Variants in NEK5 observed in about 807,000 individuals in gnomAD.
NEK5 encodes the protein NIMA related kinase 5.
In NEK5, 88 loss-of-function variants were observed where a neutral mutation model predicts 109.2. The observed-to-expected ratio is 0.81, with a 90% CI of 0.68 to 0.96. NEK5 has a LOEUF of 0.96. NEK5 is among the 40% of genes least tolerant of loss of function. The pLI, the probability that NEK5 is intolerant of heterozygous loss-of-function variation, is 0.00. For synonymous variants in NEK5, 283 were observed against 299.9 expected (o/e 0.94, Z 0.58); for missense variants, 834 against 920.7 (o/e 0.91, Z 1.22).
intron 22 of NEK5, among the ~76,000 whole-genome samples, chr13:52,051,904 G>A (rs1954509063): frequency 6.6e-6 from 1 of 152,148 alleles, no homozygotes; most frequent in Admixed American, 6.5e-5. Context: ...CTTCACAGGT[G>A]CAGGACAGAA....
chr13:52,104,964 G>GT (rs1426902296), intron 8 of NEK5, among the ~76,000 whole-genome samples: 1 of 152,132 alleles, frequency 6.6e-6, no homozygotes, highest in African/African-American at 2.4e-5. Context: ...CAGAACCAAA[G>GT]TTATATTATG....
At chr13:52,119,128 TAAG>T (rs1488883853) in intron 4 of NEK5, among the ~76,000 whole-genome samples, 188 bp downstream of exon 4, 1 of 151,990 alleles carries the variant, frequency 6.6e-6, no homozygotes, top group Non-Finnish European at 1.5e-5. Flanking sequence ...CAAGAAAACA[TAAG>T]AAAGCCGTCT....
chr13:52,042,271 A>T (rs1954421133), intron 23 of NEK5, among the ~76,000 whole-genome samples: 1 of 151,824 alleles, frequency 6.6e-6, no homozygotes, highest in Non-Finnish European at 1.5e-5. Flanking sequence ...CAAGAAAAAA[A>T]CTGAAATCAG....
intron 1 of NEK5, among the ~76,000 whole-genome samples, chr13:52,128,621 GGA>G (rs1270537295): frequency 2.1e-4 from 32 of 152,176 alleles, no homozygotes; most frequent in Non-Finnish European, 1.5e-5. Flanking sequence ...TCCGCAGCCA[GGA>G]GAGGCTGCAG....
chr13:52,108,474 A>G (rs1398499438), intron 7 of NEK5, 70 bp from the exon 8 acceptor site: 4 of 931,014 alleles, frequency 4.3e-6, no homozygotes, highest in Non-Finnish European at 6.7e-6. Flanking sequence ...TAAGACATGG[A>G]CATGCAAGAA....
intron 17 of NEK5, among the ~76,000 whole-genome samples, chr13:52,077,431 C>A (rs1054111579): frequency 6.6e-6 from 1 of 152,192 alleles, no homozygotes; most frequent in Non-Finnish European, 1.5e-5. Flanking sequence ...ACTGCCCCAG[C>A]CTCCTGTCTT....
chr13:52,049,791 G>A (rs527852693), intron 23 of NEK5, among the ~76,000 whole-genome samples: 3 of 152,246 alleles, frequency 2.0e-5, no homozygotes, highest in Non-Finnish European at 4.4e-5. Flanking sequence ...TGTGTATGAT[G>A]AGGAATGGGC....
At chr13:52,049,177 C>A (rs768721619) in intron 23 of NEK5, among the ~76,000 whole-genome samples, 4 of 152,122 alleles carry the variant, frequency 2.6e-5, no homozygotes, top group Non-Finnish European at 4.4e-5. Flanking sequence ...AATCCCAGCA[C>A]TTTGGGTGGC....
intron 23 of NEK5, among the ~76,000 whole-genome samples, chr13:52,049,666 TA>T (rs75893721): frequency 4.4e-3 from 581 of 131,394 alleles, no homozygotes; most frequent in East Asian, 6.2e-3. Flanking sequence ...GCTGATGAAC[TA>T]AAAAAAAAAA....
At chr13:52,060,525 T>C (rs1358556001) in intron 22 of NEK5, among the ~76,000 whole-genome samples, 1 of 152,064 alleles carries the variant, frequency 6.6e-6, no homozygotes, top group Admixed American at 6.6e-5. Flanking sequence ...CACCTAATTT[T>C]TGTATTTTTA....
At chr13:52,074,432 CAGA>C (rs1318154290) in intron 19 of NEK5, among the ~76,000 whole-genome samples, 1 of 152,100 alleles carries the variant, frequency 6.6e-6, no homozygotes, top group Non-Finnish European at 1.5e-5. Context: ...TAGCTACATG[CAGA>C]AGAATGAAAC....
chr13:52,087,294 A>G, intron 15 of NEK5, 44 bp downstream of exon 15: 1 of 972,242 alleles, frequency 1.0e-6, no homozygotes, highest in Non-Finnish European at 1.7e-6. Context: ...AGACAGTAAT[A>G]CAAAGAAATA....
chr13:52,097,995 C>T (rs1417498474), intron 12 of NEK5, among the ~76,000 whole-genome samples: 2 of 152,092 alleles, frequency 1.3e-5, no homozygotes, highest in African/African-American at 4.8e-5. Flanking sequence ...TAGCACCTCC[C>T]CCTTTGCTCT....
chr13:52,103,229 GACCA>G (rs1485866310), intron 9 of NEK5, among the ~76,000 whole-genome samples: 2 of 152,208 alleles, frequency 1.3e-5, no homozygotes, highest in Admixed American at 1.3e-4. Context: ...AGGAGTTCAA[GACCA>G]ACCTGGCCAA....
rs575200993 is a variant in NEK5, at chr13:52,037,008, G to A, written c.2439C>T (p.His813=). 2.0e-6 allele frequency: 2 copies of A among 984,984 alleles called. No individual in the cohort carries two copies. The highest frequency in any genetic ancestry group is 6.1e-5 in the Admixed American group (1 of 16,284). The allele number at this position is 984,984 out of a possible 1,614,324, so 61.0% of individuals were successfully genotyped here. Residue 813 remains histidine, a synonymous_variant, in exon 24 of 24, where the codon CAC becomes CAT. Transcript: ENST00000684899. ...CTTGGTCTTCATCAGTAATACAAAT[G>A]TGGTCATTAGATGTAGTAGAAATAT... ...LENISTTSND[H]ICITDEDQGT...
At chr13:52,055,436 G>A (rs1954545787) in intron 22 of NEK5, among the ~76,000 whole-genome samples, 1 of 152,078 alleles carries the variant, frequency 6.6e-6, no homozygotes, top group East Asian at 1.9e-4. Context: ...TCAGGTTCAG[G>A]AAATACAGAG....
At chr13:52,107,866 C>G (rs970075951) in intron 8 of NEK5, among the ~76,000 whole-genome samples, 5 of 152,082 alleles carry the variant, frequency 3.3e-5, no homozygotes, top group Admixed American at 1.3e-4. Context: ...CACCCCAGGA[C>G]CTAGACCCAT....
At chr13:52,069,865 C>T (rs376112981) in intron 20 of NEK5, among the ~76,000 whole-genome samples, 9 of 152,122 alleles carry the variant, frequency 5.9e-5, no homozygotes, top group African/African-American at 1.9e-4. Flanking sequence ...TGGAGGAGTG[C>T]GGACCTCCCT....
rs760967622 is a variant in NEK5, at chr13:52,099,728, T to A, written c.1026+15A>T. On this transcript the variant is annotated intron_variant, in intron 12 of 23. Transcript: ENST00000684899. ...CATAGCTAAAAAACACAAAGGAGGGTTTAGAATGACTTACAGATCTGGCCT... is the reference window on the plus strand; with the variant it reads ...CATAGCTAAAAAACACAAAGGAGGGATTAGAATGACTTACAGATCTGGCCT... 6.2e-7 allele frequency: 1 copy of A among 1,610,246 alleles called. No individual in the cohort carries two copies. The highest frequency in any genetic ancestry group is 8.5e-7 in the Non-Finnish European group (1 of 1,178,478).
Sources: allele counts gnomAD v4.1 joint callset (sites outside exome capture counted in the v4.1 genomes callset), GRCh38; gene constraint gnomAD v4.1.1; transcripts MANE v1.5; gene names NCBI Gene and HGNC (gene_info 2026-07-23, HGNC 2026-07-21).